TRIM37: variants seen among roughly 807,000 people sequenced by gnomAD.
TRIM37 encodes tripartite motif containing 37.
A neutral mutation model predicts 129.8 loss-of-function variants in TRIM37; 80 were observed. The observed-to-expected ratio is 0.62, with a 90% CI of 0.51 to 0.74. The LOEUF (loss-of-function observed/expected upper bound fraction) is 0.74, where lower values mean the gene tolerates loss of function less well. Among genes scored for constraint, TRIM37 ranks in the 30% least tolerant of loss-of-function variants. TRIM37 has a pLI of 0.00. For synonymous variants in TRIM37, 389 were observed against 387.1 expected (o/e 1.00, Z -0.06); for missense variants, 1,054 against 1,176.5 (o/e 0.90, Z 1.52).
chr17:59,032,043 T>C lies in TRIM37; in HGVS notation c.1801A>G (p.Thr601Ala). Reference protein sequence around the residue: ...VGSSSRISRRTHLCSAATSSL... With the variant: ...VGSSSRISRRAHLCSAATSSL... ...CTGGTAGCAGCGGAGCATAAATGTG[T>C]TCTTCTTGATATTCTACTACTGGAA... is the stretch of plus-strand genomic sequence containing the variant. The change falls in exon 18 of 24, where the codon ACA becomes GCA. Residue 601 changes from threonine to alanine, a missense_variant. Thr to Ala is a moderately conservative substitution (Grantham distance 58). Around this residue, in one of 3 missense-constraint regions of TRIM37, gnomAD observed 752 missense variants for 870.8 expected, o/e 0.86. Coordinates refer to ENST00000262294, the MANE Select transcript of TRIM37 (RefSeq NM_015294.6). 2 of 1,614,148 alleles carry C rather than the reference T, an allele frequency of 1.2e-6. No individual in the cohort carries two copies. The highest frequency in any genetic ancestry group is 1.7e-6 in the Non-Finnish European group (2 of 1,180,022).
chr17:58,992,884 G>A (rs548121537), intron 24 of TRIM37, among the ~76,000 whole-genome samples: 67 of 152,298 alleles, frequency 4.4e-4, no homozygotes, highest in African/African-American at 1.5e-3. Context: ...CTTGAGGAAT[G>A]CCAAGGATTT....
intron 13 of TRIM37, among the ~76,000 whole-genome samples, chr17:59,056,231 G>C (rs1323677546): frequency 6.6e-6 from 1 of 151,606 alleles, no homozygotes; most frequent in East Asian, 1.9e-4. Context: ...TTAAAAAGAT[G>C]GGGGGTCTCA....
downstream of TRIM37, chr17:58,980,672 G>A (rs377209500): frequency 7.1e-5 from 114 of 1,614,066 alleles, no homozygotes; most frequent in South Asian, 4.9e-4. This position sits in a 1 kb window ranked among gnomAD's most constrained non-coding sequence, Gnocchi z 4.7. Context: ...TTCAACAGGG[G>A]AGCAGATATA....
At chr17:59,062,267 C>A (rs1196815116) in intron 11 of TRIM37, among the ~76,000 whole-genome samples, 2 of 151,938 alleles carry the variant, frequency 1.3e-5, no homozygotes, top group Non-Finnish European at 2.9e-5. Context: ...AAATATGAGC[C>A]AAGGATTTTA....
At chr17:59,060,995 A>T (rs2041440654) in intron 12 of TRIM37, 37 bp downstream of exon 12, 1 of 1,521,980 alleles carries the variant, frequency 6.6e-7, no homozygotes, top group Admixed American at 1.7e-5. Context: ...AGGTATGTAA[A>T]TGCACATTAA....
At chr17:59,058,477 C>T (rs903333886) in intron 12 of TRIM37, among the ~76,000 whole-genome samples, 1 of 152,008 alleles carries the variant, frequency 6.6e-6, no homozygotes, top group Non-Finnish European at 1.5e-5. Context: ...ACAATGAACC[C>T]CCATGACATG....
the TRIM37 span, among the ~76,000 whole-genome samples, chr17:58,975,175 G>C: frequency 6.6e-6 from 1 of 152,200 alleles, no homozygotes; most frequent in Non-Finnish European, 1.5e-5. Context: ...ATGAGTGCTT[G>C]AGTGGCCAGT....
At position 59,070,870 on chromosome 17, in the gene TRIM37, C is replaced by T; in HGVS notation, c.762G>A (p.Lys254=). The T allele has an allele frequency of 6.2e-7, 1 of 1,614,010 alleles. No homozygotes were observed. Among genetic ancestry groups the T allele is most frequent in the Non-Finnish European group, 8.5e-7 (1 of 1,179,960 alleles). ...GAGTGGTAACAAAAGATGCCATGGG[C>T]TTCCGATGAACTTGCTGAAACATCA... ...ILMMFQQVHR[K]PMASFVTTPV... The change falls in exon 9 of 24, where the codon AAG becomes AAA. Residue 254 remains lysine, a synonymous_variant. Coordinates refer to ENST00000262294, the MANE Select transcript of TRIM37 (RefSeq NM_015294.6).
downstream of TRIM37, chr17:58,980,915 A>G (rs753181254): frequency 6.2e-7 from 1 of 1,614,206 alleles, no homozygotes; most frequent in Admixed American, 1.7e-5. This position sits in a 1 kb window ranked among gnomAD's most constrained non-coding sequence, Gnocchi z 4.7. Flanking sequence ...TAGGATAAGA[A>G]GTTCTCTGCC....
At chr17:58,976,865 T>C in the TRIM37 span, among the ~76,000 whole-genome samples, 1 of 152,144 alleles carries the variant, frequency 6.6e-6, no homozygotes, top group Non-Finnish European at 1.5e-5. Context: ...GTGACTCAGA[T>C]CACATTTATT....
At chr17:59,105,044 A>AG (rs1233630369) in intron 1 of TRIM37, among the ~76,000 whole-genome samples, 2 of 146,718 alleles carry the variant, frequency 1.4e-5, no homozygotes, top group Non-Finnish European at 1.5e-5. Flanking sequence ...GTGAGCCAAG[A>AG]GGGTGCCACT....
chr17:58,980,915 A>C (rs753181254), downstream of TRIM37: 29 of 1,614,088 alleles, frequency 1.8e-5, no homozygotes, highest in Non-Finnish European at 2.3e-5. This position sits in a 1 kb window ranked among gnomAD's most constrained non-coding sequence, Gnocchi z 4.7. Flanking sequence ...TAGGATAAGA[A>C]GTTCTCTGCC....
the TRIM37 span, among the ~76,000 whole-genome samples, chr17:58,976,081 G>T: frequency 3.3e-5 from 5 of 152,292 alleles, no homozygotes; most frequent in South Asian, 1.0e-3. Context: ...TCAGGAAAGG[G>T]TTCCTTTTTA....
chr17:58,972,216 A>G, the TRIM37 span: 8 of 1,614,182 alleles, frequency 5.0e-6, no homozygotes, highest in Non-Finnish European at 6.8e-6. Flanking sequence ...TTCCCAGGTT[A>G]TGCTTGTGAG....
chr17:59,059,052 G>A (rs1369650988), intron 12 of TRIM37, among the ~76,000 whole-genome samples: 1 of 152,040 alleles, frequency 6.6e-6, no homozygotes, highest in East Asian at 1.9e-4. Context: ...TCATATGTCT[G>A]ATAAAGGTTT....
intron 24 of TRIM37, among the ~76,000 whole-genome samples, chr17:58,986,905 G>A (rs1160911304): frequency 6.6e-6 from 1 of 152,206 alleles, no homozygotes; most frequent in Non-Finnish European, 1.5e-5. Context: ...CCTTATGGAA[G>A]ATCCCTTACT....
chr17:59,102,502 C>A (rs959362329), intron 2 of TRIM37, among the ~76,000 whole-genome samples: 8 of 152,108 alleles, frequency 5.3e-5, no homozygotes, highest in African/African-American at 1.9e-4. Flanking sequence ...GCTATTTTAA[C>A]AATAAAATAA....
intron 18 of TRIM37, among the ~76,000 whole-genome samples, chr17:59,029,798 A>T (rs189443848): frequency 2.8e-4 from 42 of 152,294 alleles, no homozygotes; most frequent in South Asian, 1.2e-3. Flanking sequence ...AAACAAACAA[A>T]CAATCAATCA....
intron 3 of TRIM37, among the ~76,000 whole-genome samples, chr17:59,089,228 T>C (rs116857424): frequency 0.047 from 7,117 of 152,244 alleles, 251 homozygotes; most frequent in Middle Eastern, 0.082. Context: ...CACTCCAGCC[T>C]GGGGAACAGA....
Sources: gnomAD v4.1 joint callset for allele counts (sites outside exome capture counted in the v4.1 genomes callset) on GRCh38, gnomAD v4.1.1 for gene constraint, gnomAD v4.1.1 regional missense constraint, Gnocchi (gnomAD v3.1) non-coding constraint, MANE v1.5 for transcripts, NCBI Gene and HGNC (gene_info 2026-07-23, HGNC 2026-07-21) for gene names.